DNAH1: variants seen among roughly 807,000 people sequenced by gnomAD.
DNAH1 encodes dynein axonemal heavy chain 1.
In DNAH1, 327 loss-of-function variants were observed where a neutral mutation model predicts 484.3. The observed-to-expected ratio is 0.68, with a 90% CI of 0.62 to 0.74. DNAH1 has a LOEUF of 0.74. Among genes scored for constraint, DNAH1 ranks in the 30% least tolerant of loss-of-function variants. The pLI is 0.00. For synonymous variants in DNAH1, 2,192 were observed against 2,191.9 expected (o/e 1.00, Z 0.00); for missense variants, 5,052 against 5,546.8 (o/e 0.91, Z 2.83).
Position 52,361,926 on chromosome 3 carries a change from C to T in DNAH1, c.4980+160C>T, listed in dbSNP as rs1256123187. On this transcript the variant is annotated intron_variant, in intron 30 of 77. Transcript: ENST00000420323. This position sits in a 1 kb window ranked among gnomAD's most constrained non-coding sequence, Gnocchi z 5.6. ...CTAACCCCAGTCTGTGGGCAGCTCCCAGGCCAAGCTGCGGGGGATGAAGGG... is the reference window on the plus strand; with the variant it reads ...CTAACCCCAGTCTGTGGGCAGCTCCTAGGCCAAGCTGCGGGGGATGAAGGG... Among the ~76,000 whole-genome samples the T allele has an allele frequency of 1.3e-5, 2 of 152,226 alleles. No homozygotes were observed. Among genetic ancestry groups the T allele is most frequent in the African/African-American group, 4.8e-5 (2 of 41,466 alleles).
In DNAH1 at chr3:52,332,278, C is replaced by T. The variant is rs1246734798; in HGVS notation, c.1170C>T (p.Leu390=). Residue 390 remains leucine, a synonymous_variant, in exon 8 of 78, where the codon CTC becomes CTT. Transcript: ENST00000420323. The stretch of plus-strand genomic sequence containing the variant: ...GCAAGAACACGGAAGCACTGCTGCT[C>T]TACAACTTGTATGTGGACTGCATGC... ...ALRKNTEALL[L]YNLYVDCMPS... is the part of the protein sequence containing the mutation. 1 of 1,614,076 alleles carries T rather than the reference C, an allele frequency of 6.2e-7. No homozygotes were observed. The highest frequency in any genetic ancestry group is 8.5e-7 in the Non-Finnish European group (1 of 1,179,896).
Position 52,348,903 on chromosome 3 carries a change from ATCT to A in DNAH1, c.2125_2127del (p.Phe709del). 6.2e-7 allele frequency: 1 copy of A among 1,612,984 alleles called. No homozygotes were observed. Among genetic ancestry groups the A allele is most frequent in the South Asian group, 1.1e-5 (1 of 91,074 alleles). ...CCCTCTGCAGCTGGTGATGGAGGAC[ATCT>A]TCATCAGCGGTGACCCCCTGCTGGA... On this transcript the variant is annotated inframe_deletion, in exon 13 of 78. Transcript: ENST00000420323.
intron 6 of DNAH1, among the ~76,000 whole-genome samples, chr3:52,330,152 G>A (rs79840844): frequency 0.056 from 8,529 of 152,182 alleles, 347 homozygotes; most frequent in Non-Finnish European, 0.085. Flanking sequence ...CTGCTCTGCT[G>A]GGCACCATAT....
chr3:52,322,329 C>G, intron 1 of DNAH1, 80 bp from the exon 2 acceptor site: 1 of 962,676 alleles, frequency 1.0e-6, no homozygotes. Flanking sequence ...TTGTGGCAGG[C>G]AGGCAATCTA....
rs201654313 is a variant in DNAH1, at chr3:52,396,578, G to A, written c.11430+40G>A. Reference sequence around the variant, plus strand: ...GTGCAGGCCTACCCTACCTGCCCCCGTCCCCGCTCCTCACCTCCCCTGCCT... The same window carrying A: ...GTGCAGGCCTACCCTACCTGCCCCCATCCCCGCTCCTCACCTCCCCTGCCT... On this transcript the variant is annotated intron_variant, in intron 71 of 77. Coordinates refer to ENST00000420323, the MANE Select transcript of DNAH1 (RefSeq NM_015512.5). 523 of 1,610,656 alleles carry A rather than the reference G, an allele frequency of 3.2e-4. 1 individual carries two copies. The highest frequency in any genetic ancestry group is 8.1e-4 in the South Asian group (74 of 90,964).
rs1009531930 is a variant in DNAH1, at chr3:52,373,069, C to T, written c.6985+16C>T. 1.9e-6 allele frequency: 3 copies of T among 1,602,172 alleles called. No homozygotes were observed. In the African/African-American group the frequency reaches 4.0e-5, roughly 21 times the overall value. Reference sequence around the variant, plus strand: ...AAGATCATTGGTGAGTGTGGCCGGCCTGGCTCACAGGGCAAGGGCTACGCG... The same window carrying T: ...AAGATCATTGGTGAGTGTGGCCGGCTTGGCTCACAGGGCAAGGGCTACGCG... On this transcript the variant is annotated intron_variant, in intron 44 of 77. Transcript: ENST00000420323.
Position 52,368,655 on chromosome 3 carries a change from C to T in DNAH1, c.5766-86C>T. On this transcript the variant is annotated intron_variant, in intron 36 of 77. Coordinates refer to ENST00000420323, the MANE Select transcript of DNAH1 (RefSeq NM_015512.5). This position sits in a 1 kb window ranked among gnomAD's most constrained non-coding sequence, Gnocchi z 4.4. The stretch of plus-strand genomic sequence containing the variant: ...TTGAAGGAAAGTAGAGCCCGCCCAC[C>T]CGGCGGCCAGGCTTCCCTGGGAGCC... 1 of 1,438,936 alleles carries T rather than the reference C, an allele frequency of 6.9e-7. No homozygotes were observed. The highest frequency in any genetic ancestry group is 9.5e-7 in the Non-Finnish European group (1 of 1,057,440). The allele number at this position is 1,438,936 out of a possible 1,614,324, so 89.1% of individuals were successfully genotyped here.
chr3:52,386,406 T>C, intron 55 of DNAH1, 61 bp downstream of exon 55: 1 of 1,488,570 alleles, frequency 6.7e-7, no homozygotes, highest in Non-Finnish European at 9.0e-7. Flanking sequence ...AAGCCTTCCC[T>C]CTGCACATCC....
At chr3:52,393,601 G>A (rs767662774) in intron 66 of DNAH1, 116 bp downstream of exon 66, 37 of 1,441,674 alleles carry the variant, frequency 2.6e-5, no homozygotes, top group Non-Finnish European at 3.5e-5. Flanking sequence ...GAGCAAAGTG[G>A]CAGAGGAAAC....
chr3:52,365,324 G>A (rs894813221), intron 34 of DNAH1, among the ~76,000 whole-genome samples: 3 of 152,172 alleles, frequency 2.0e-5, no homozygotes, highest in South Asian at 2.1e-4. Flanking sequence ...GCCCTCACTG[G>A]GATGTGACTG....
At position 52,322,524 on chromosome 3, in the gene DNAH1, G is replaced by A. The variant is rs1701184635; in HGVS notation, c.82G>A (p.Val28Met). 2 of 1,613,704 alleles carry A rather than the reference G, an allele frequency of 1.2e-6. No homozygotes were observed. Among genetic ancestry groups the A allele is most frequent in the Admixed American group, 3.3e-5 (2 of 59,976 alleles). The change falls in exon 2 of 78, where the codon GTG (valine) becomes ATG (methionine). Residue 28 changes from valine (V) to methionine (M), a missense_variant. Physicochemically the swap from Val to Met is conservative, Grantham distance 21 (BLOSUM62 1). Transcript: ENST00000420323. ...GTGCAGCAGTGCTCCTGCAGTCCAAGTGGGGACCCACAGGGGCCTAGAGTA... is the reference window on the plus strand; with the variant it reads ...GTGCAGCAGTGCTCCTGCAGTCCAAATGGGGACCCACAGGGGCCTAGAGTA... ...PECSSAPAVQ[V>M]GTHRGLEYNP... is the part of the protein sequence containing the mutation.
chr3:52,393,421 A>G lies in DNAH1; in HGVS notation c.10562A>G (p.His3521Arg), dbSNP rs370864402. The G allele has an allele frequency of 2.9e-4, 472 of 1,613,940 alleles. No individual in the cohort carries two copies. The highest frequency in any genetic ancestry group is 3.9e-4 in the Non-Finnish European group (466 of 1,179,908). Residue 3521 changes from histidine (H) to arginine (R), a missense_variant, in exon 66 of 78, where the codon CAC (histidine) becomes CGC (arginine). Transcript: ENST00000420323. ...GTCTGCCGCAGCCTCTTTGAGAAGC[A>G]CAAGCTGATGTTTGCCTTCCTGCTG... ...SNVCRSLFEKHKLMFAFLLCV... is the reference protein window; with the variant it reads ...SNVCRSLFEKRKLMFAFLLCV...
chr3:52,352,427 A>G (rs1702423141), intron 17 of DNAH1, 125 bp from the exon 18 acceptor site: 1 of 1,329,336 alleles, frequency 7.5e-7, no homozygotes, highest in Non-Finnish European at 1.0e-6. Context: ...ACTCCAGGAG[A>G]ACAACCTCCT....
At position 52,376,679 on chromosome 3, in the gene DNAH1, G is replaced by C. The variant is rs543323602; in HGVS notation, c.7198+686G>C. Among the ~76,000 whole-genome samples the C allele has an allele frequency of 6.6e-5, 10 of 152,186 alleles. No homozygotes were observed. The South Asian group carries it at 2.1e-3, about 32-fold the overall frequency. ...CCATTCTCCATCTCAACCACCAAAT[G>C]CAAAACAGCCTCTCTGGGCCCCCTT... On this transcript the variant is annotated intron_variant, in intron 46 of 77. Coordinates refer to ENST00000420323, the MANE Select transcript of DNAH1 (RefSeq NM_015512.5).
chr3:52,364,626 G>C lies in DNAH1; in HGVS notation c.5245-12G>C. Reference sequence around the variant, plus strand: ...ACAGTGCTCACCCATGCCTCCTTCTGTATGGCGACAGGATCACTATGACTT... The same window carrying C: ...ACAGTGCTCACCCATGCCTCCTTCTCTATGGCGACAGGATCACTATGACTT... On this transcript the variant is annotated splice_polypyrimidine_tract_variant and intron_variant, in intron 32 of 77. Transcript: ENST00000420323. This position sits in a 1 kb window ranked among gnomAD's most constrained non-coding sequence, Gnocchi z 4.2. 6.2e-7 allele frequency: 1 copy of C among 1,613,938 alleles called. No individual in the cohort carries two copies. Among genetic ancestry groups the C allele is most frequent in the Non-Finnish European group, 8.5e-7 (1 of 1,179,866 alleles).
At position 52,345,562 on chromosome 3, in the gene DNAH1, C is replaced by T. The variant is rs1465711189; in HGVS notation, c.1512C>T (p.Leu504=). The T allele has an allele frequency of 6.3e-7, 1 of 1,595,268 alleles. No individual in the cohort carries two copies. Residue 504 remains leucine, a synonymous_variant, in exon 10 of 78, where the codon CTC becomes CTT. Coordinates refer to ENST00000420323, the MANE Select transcript of DNAH1 (RefSeq NM_015512.5). Reference sequence around the variant, plus strand: ...AGGACTTCACTTTCGTGTCCCTGCTCACACGGCCAGAGGTCATCACGGCCC... The same window carrying T: ...AGGACTTCACTTTCGTGTCCCTGCTTACACGGCCAGAGGTCATCACGGCCC... ...QKEDFTFVSL[L]TRPEVITALS...
At chr3:52,383,350 A>G in intron 50 of DNAH1, 36 bp from the exon 51 acceptor site, 1 of 1,585,832 alleles carries the variant, frequency 6.3e-7, no homozygotes, top group Non-Finnish European at 8.6e-7. Context: ...TCCAACATGC[A>G]GGGGCTTAGC....
chr3:52,340,581 G>T (rs983894409), intron 8 of DNAH1, among the ~76,000 whole-genome samples: 1 of 151,788 alleles, frequency 6.6e-6, no homozygotes, highest in Non-Finnish European at 1.5e-5. Flanking sequence ...ACTACAGGTG[G>T]TTACCACCAC....
chr3:52,365,431 C>T (rs1703033195), intron 34 of DNAH1, among the ~76,000 whole-genome samples: 2 of 152,262 alleles, frequency 1.3e-5, no homozygotes, highest in South Asian at 2.1e-4. Context: ...ACTAGCGGGA[C>T]TTGCCCACGT....
Sources: allele counts gnomAD v4.1 joint callset (sites outside exome capture counted in the v4.1 genomes callset), GRCh38; gene constraint gnomAD v4.1.1; non-coding constraint Gnocchi (gnomAD v3.1); transcripts MANE v1.5; gene names NCBI Gene and HGNC (gene_info 2026-07-23, HGNC 2026-07-21).